The following KIF3B variants were observed in gnomAD, a reference collection of about 807,000 sequenced individuals.
The protein encoded by KIF3B is kinesin-like protein KIF3B.
A neutral mutation model predicts 74.3 loss-of-function variants in KIF3B; 38 were observed. That is an observed-to-expected ratio of 0.51 (90% CI 0.39 to 0.67). The LOEUF is 0.67. KIF3B is among the 30% of genes least tolerant of loss of function. KIF3B has a pLI of 0.00. For missense variants in KIF3B, 649 were observed against 932.0 expected, an observed-to-expected ratio of 0.70 and a Z score of 3.95; for synonymous variants, 326 against 342.5, an observed-to-expected ratio of 0.95 and a Z score of 0.53.
rs756318630 is a variant in KIF3B, at chr20:32,277,706, CCCGCCGCCGCCG to C, written c.-98_-87del. On this transcript the variant is annotated 5_prime_UTR_variant, in exon 1 of 9. Coordinates refer to ENST00000375712, the MANE Select transcript of KIF3B (RefSeq NM_004798.4). ...ATGGCTGAGCCAGGGGTTCGCCGCC[CCCGCCGCCGCCG>C]CCGCCGCCGCCGCCGCCGCCGCCGC... 117 of 261,190 alleles carry C rather than the reference CCCGCCGCCGCCG, an allele frequency of 4.5e-4. 2 individuals carry two copies. Among genetic ancestry groups the C allele is most frequent in the South Asian group, 1.7e-3 (14 of 8,340 alleles). 16.2% of individuals were successfully genotyped at this position (261,190 alleles called of 1,614,324 possible).
At chr20:32,300,178 C>G (rs1332254603) in intron 1 of KIF3B, among the ~76,000 whole-genome samples, 1 of 152,012 alleles carries the variant, frequency 6.6e-6, no homozygotes, top group Non-Finnish European at 1.5e-5. Flanking sequence ...TTATGGCTCA[C>G]TACAACCTCC....
chr20:32,318,640 T>C (rs924001847), intron 5 of KIF3B, among the ~76,000 whole-genome samples: 5 of 152,240 alleles, frequency 3.3e-5, no homozygotes, highest in African/African-American at 1.2e-4. Context: ...TCAACAGATA[T>C]CTGGTAGTCC....
intron 1 of KIF3B, among the ~76,000 whole-genome samples, chr20:32,288,654 C>G (rs1233388536): frequency 6.6e-6 from 1 of 152,046 alleles, no homozygotes; most frequent in Non-Finnish European, 1.5e-5. Context: ...TTTGTCATTT[C>G]AACCCTTCGT....
chr20:32,295,876 TTA>T (rs1261857365), intron 1 of KIF3B, among the ~76,000 whole-genome samples: 2 of 144,532 alleles, frequency 1.4e-5, no homozygotes, highest in Non-Finnish European at 3.0e-5. Flanking sequence ...TTTTTTTTTT[TTA>T]AATTGAGACA....
At chr20:32,292,615 G>A (rs866399001) in intron 1 of KIF3B, among the ~76,000 whole-genome samples, 4 of 149,818 alleles carry the variant, frequency 2.7e-5, no homozygotes, top group Non-Finnish European at 4.4e-5. Context: ...AAGAAAAGTC[G>A]GGTCCAGTGG....
chr20:32,316,176 G>T (rs2047826268), intron 2 of KIF3B, 42 bp from the exon 3 acceptor site: 2 of 1,167,722 alleles, frequency 1.7e-6, no homozygotes, highest in Admixed American at 1.7e-5. Context: ...TGTTCTGAGA[G>T]AAACCGTTCA....
intron 2 of KIF3B, among the ~76,000 whole-genome samples, chr20:32,314,817 G>A (rs1386604991): frequency 6.6e-6 from 1 of 152,016 alleles, no homozygotes; most frequent in East Asian, 1.9e-4. Flanking sequence ...ACTGTCTCCT[G>A]CCATCCAGGC....
chr20:32,319,582 G>GTTTTTTTTT (rs34028388), intron 5 of KIF3B, among the ~76,000 whole-genome samples: 36 of 92,020 alleles, frequency 3.9e-4, no homozygotes, highest in Admixed American at 5.4e-4. Context: ...TTTTGTTTTT[G>GTTTTTTTTT]TTTTTTTTTT....
rs2047942245 is a variant in KIF3B, at chr20:32,333,679, A to G, written c.*2360A>G. ...AAAAACAGAAAGAAAGAAAAAGAAA[A>G]CTGCAGATAACCCTATACATTAATA... On this transcript the variant is annotated 3_prime_UTR_variant, in exon 9 of 9. Transcript: ENST00000375712. 1 of 151,754 alleles carries G rather than the reference A, an allele frequency of 6.6e-6. No individual in the cohort carries two copies. Among genetic ancestry groups the G allele is most frequent in the Non-Finnish European group, 1.5e-5 (1 of 68,132 alleles). The allele number at this position is 151,754 out of a possible 1,614,324, so 9.4% of individuals were successfully genotyped here.
At chr20:32,288,039 C>T (rs1052171478) in intron 1 of KIF3B, among the ~76,000 whole-genome samples, 5 of 151,802 alleles carry the variant, frequency 3.3e-5, no homozygotes, top group Non-Finnish European at 2.9e-5. Flanking sequence ...CACACCACCA[C>T]GCCCAGCTGA....
intron 1 of KIF3B, among the ~76,000 whole-genome samples, chr20:32,289,010 G>A (rs1294947100): frequency 2.0e-5 from 3 of 152,226 alleles, no homozygotes; most frequent in South Asian, 2.1e-4. Context: ...ATTCTGATCC[G>A]GGGTTCTGAG....
In KIF3B at chr20:32,308,334, C is replaced by T. The variant is rs181559139; in HGVS notation, c.-65-1379C>T. On this transcript the variant is annotated intron_variant, in intron 1 of 8. Coordinates refer to ENST00000375712, the MANE Select transcript of KIF3B (RefSeq NM_004798.4). ...GAACTCCTGGGCTCAAGCAATCCTT[C>T]TTCCTCAGCCTCCTGAGTAGCTGGG... is the stretch of plus-strand genomic sequence containing the variant. 6.6e-3 allele frequency among the ~76,000 whole-genome samples: 1,001 copies of T among 151,896 alleles called. 3 individuals carry two copies. Among genetic ancestry groups the T allele is most frequent in the Middle Eastern group, 0.014 (4 of 294 alleles).
chr20:32,330,573 G>C (rs536710316), intron 8 of KIF3B, among the ~76,000 whole-genome samples: 89 of 152,326 alleles, frequency 5.8e-4, no homozygotes, highest in African/African-American at 1.9e-3. Context: ...ATAGCAGTCA[G>C]TTCTTCTGTT....
chr20:32,322,920 T>TTATATATACATATTTA (rs1234469066), intron 5 of KIF3B, among the ~76,000 whole-genome samples: 1 of 59,816 alleles, frequency 1.7e-5, no homozygotes, highest in Non-Finnish European at 2.6e-5. Context: ...TTTTATATAT[T>TTATATATACATATTTA]TATATATACA....
At chr20:32,282,298 A>G (rs1170102102) in intron 1 of KIF3B, among the ~76,000 whole-genome samples, 1 of 151,232 alleles carries the variant, frequency 6.6e-6, no homozygotes, top group African/African-American at 2.4e-5. Flanking sequence ...AATAAGGATG[A>G]CTCCTGGGTT....
chr20:32,300,957 G>A (rs2047740796), intron 1 of KIF3B, among the ~76,000 whole-genome samples: 1 of 151,272 alleles, frequency 6.6e-6, no homozygotes, highest in Admixed American at 6.6e-5. Flanking sequence ...CCTTGACTTG[G>A]GCTTACGTGA....
At chr20:32,303,295 T>G (rs955952572) in intron 1 of KIF3B, among the ~76,000 whole-genome samples, 2 of 152,234 alleles carry the variant, frequency 1.3e-5, no homozygotes, top group Non-Finnish European at 2.9e-5. Flanking sequence ...GTGGGCGCTG[T>G]GGCTCATGCC....
At chr20:32,304,080 A>G (rs1452028638) in intron 1 of KIF3B, among the ~76,000 whole-genome samples, 1 of 152,038 alleles carries the variant, frequency 6.6e-6, no homozygotes, top group Admixed American at 6.6e-5. Context: ...AATTATACCT[A>G]TTTTTTCAGA....
chr20:32,310,739 C>T lies in KIF3B; in HGVS notation c.962C>T (p.Ser321Phe). ...TVMVANVGPA[S>F]YNVEETLTTL... is the part of the protein sequence containing the mutation. The stretch of plus-strand genomic sequence containing the variant: ...ATGGTGGCCAACGTGGGGCCTGCCT[C>T]TTACAACGTAGAAGAGACTCTGACC... Residue 321 changes from serine (S) to phenylalanine (F), a missense_variant, in exon 2 of 9, where the codon TCT (serine) becomes TTT (phenylalanine). Transcript: ENST00000375712. This position sits in a 1 kb window ranked among gnomAD's most constrained non-coding sequence, Gnocchi z 6.5. 6.2e-7 allele frequency: 1 copy of T among 1,614,174 alleles called. No homozygotes were observed. Among genetic ancestry groups the T allele is most frequent in the Non-Finnish European group, 8.5e-7 (1 of 1,180,034 alleles).
Sources: gnomAD v4.1 joint callset for allele counts (sites outside exome capture counted in the v4.1 genomes callset) on GRCh38, gnomAD v4.1.1 for gene constraint, Gnocchi (gnomAD v3.1) non-coding constraint, MANE v1.5 for transcripts, NCBI Gene and HGNC (gene_info 2026-07-23, HGNC 2026-07-21) for gene names.